Variants in ENOX1 observed in about 807,000 individuals in gnomAD.
The protein encoded by ENOX1 is candidate growth-related and time keeping constitutive hydroquinone (NADH) oxidase.
Under a neutral mutation model 82.5 loss-of-function variants are expected in ENOX1, and 42 were observed. That is an observed-to-expected ratio of 0.51 (90% confidence interval 0.40 to 0.66). ENOX1 has a LOEUF of 0.66. Ranked by LOEUF, ENOX1 falls within the 30% of genes least tolerant of loss-of-function variation. The pLI is 0.00. For synonymous variants in ENOX1, 271 were observed against 282.2 expected (o/e 0.96, Z 0.40); for missense variants, 608 against 811.6 (o/e 0.75, Z 3.05).
chr13:43,711,536 A>C (rs1370399204), intron 1 of ENOX1, among the ~76,000 whole-genome samples: 2 of 152,166 alleles, frequency 1.3e-5, no homozygotes, highest in Non-Finnish European at 2.9e-5. Context: ...TAGTCCCACC[A>C]ACAGTGTGAA....
At chr13:43,446,784 C>A (rs1277008732) in intron 3 of ENOX1, among the ~76,000 whole-genome samples, 1 of 152,206 alleles carries the variant, frequency 6.6e-6, no homozygotes, top group Non-Finnish European at 1.5e-5. Flanking sequence ...ACTCCCTCAT[C>A]CAACAATCCC....
intron 1 of ENOX1, among the ~76,000 whole-genome samples, chr13:43,768,437 GCAACAAAACA>G (rs1178976797): frequency 2.0e-4 from 30 of 152,162 alleles, no homozygotes; most frequent in African/African-American, 7.0e-4. Context: ...TCCTGTCTCT[GCAACAAAACA>G]CAACAAAACA....
intron 5 of ENOX1, among the ~76,000 whole-genome samples, chr13:43,388,571 C>T (rs2052575492): frequency 6.6e-6 from 1 of 152,212 alleles, no homozygotes; most frequent in Admixed American, 6.5e-5. Flanking sequence ...GATGTTAACA[C>T]CACCTGGGAT....
intron 15 of ENOX1, among the ~76,000 whole-genome samples, chr13:43,226,224 G>T (rs1415769507): frequency 6.6e-6 from 1 of 152,068 alleles, no homozygotes; most frequent in Non-Finnish European, 1.5e-5. Flanking sequence ...AAAAAAATTA[G>T]AATATAGTAG....
intron 12 of ENOX1, among the ~76,000 whole-genome samples, chr13:43,284,408 C>A (rs1014351681): frequency 1.3e-5 from 2 of 152,144 alleles, no homozygotes; most frequent in African/African-American, 2.4e-5. Context: ...AAATGTAAAT[C>A]ATGGGTGGAA....
In ENOX1 at chr13:43,265,278, T is replaced by C. The variant is rs527834385; in HGVS notation, c.1611+120A>G. The C allele has an allele frequency of 3.8e-6, 3 of 788,906 alleles. No individual in the cohort carries two copies. The African/African-American group carries it at 5.3e-5, about 14-fold the overall frequency. 48.9% of individuals were successfully genotyped at this position (788,906 alleles called of 1,614,324 possible). ...TTTTCTTGCCAAACCCATATATTAA[T>C]CTTAAGCTGCTGACAGGCAGAGCTT... On this transcript the variant is annotated intron_variant, in intron 14 of 16. Coordinates refer to ENST00000690772, the MANE Select transcript of ENOX1 (RefSeq NM_001347969.2).
chr13:43,549,440 C>G (rs948209125), intron 2 of ENOX1, among the ~76,000 whole-genome samples: 1 of 152,108 alleles, frequency 6.6e-6, no homozygotes, highest in African/African-American at 2.4e-5. Flanking sequence ...AGCACAAGTC[C>G]CTCTATTCAA....
At chr13:43,751,445 A>G (rs912546927) in intron 1 of ENOX1, among the ~76,000 whole-genome samples, 2 of 152,236 alleles carry the variant, frequency 1.3e-5, no homozygotes, top group African/African-American at 4.8e-5. Flanking sequence ...ACATATATCC[A>G]TACCTGTGAA....
intron 9 of ENOX1, among the ~76,000 whole-genome samples, chr13:43,334,300 T>C (rs1439217279): frequency 6.6e-6 from 1 of 152,240 alleles, no homozygotes; most frequent in East Asian, 1.9e-4. Flanking sequence ...TATTTAGCAG[T>C]GGTGAAGTTG....
At chr13:43,368,972 T>C (rs2051030873) in intron 5 of ENOX1, among the ~76,000 whole-genome samples, 1 of 151,934 alleles carries the variant, frequency 6.6e-6, no homozygotes, top group Non-Finnish European at 1.5e-5. Flanking sequence ...CTCTCCAGCA[T>C]GCCTTCCTTT....
At chr13:43,665,086 G>C (rs1420685119) in intron 2 of ENOX1, among the ~76,000 whole-genome samples, 1 of 152,210 alleles carries the variant, frequency 6.6e-6, no homozygotes, top group Non-Finnish European at 1.5e-5. Flanking sequence ...ACACTGGTCT[G>C]CCTGCTTACA....
At chr13:43,473,584 T>A (rs542242584) in intron 3 of ENOX1, among the ~76,000 whole-genome samples, 1 of 152,298 alleles carries the variant, frequency 6.6e-6, no homozygotes, top group South Asian at 2.1e-4. Context: ...AGTTCTCTTG[T>A]GTCTATTTAA....
At chr13:43,549,996 T>A (rs2079123615) in intron 2 of ENOX1, among the ~76,000 whole-genome samples, 1 of 152,182 alleles carries the variant, frequency 6.6e-6, no homozygotes, top group Admixed American at 6.5e-5. Flanking sequence ...GGTTTTGGGA[T>A]GAAACTGTTC....
At chr13:43,385,209 A>G (rs2052334164) in intron 5 of ENOX1, among the ~76,000 whole-genome samples, 1 of 152,188 alleles carries the variant, frequency 6.6e-6, no homozygotes, top group African/African-American at 2.4e-5. Context: ...TTATCTTATA[A>G]TATCAATAAA....
intron 1 of ENOX1, among the ~76,000 whole-genome samples, chr13:43,713,229 A>G (rs1227029624): frequency 1.3e-5 from 2 of 152,164 alleles, no homozygotes; most frequent in East Asian, 3.8e-4. Flanking sequence ...TGATTTGTGT[A>G]TATTGAACCA....
At chr13:43,436,916 G>A (rs9562486) in intron 3 of ENOX1, among the ~76,000 whole-genome samples, 16,645 of 152,018 alleles carry the variant, frequency 0.11, 953 homozygotes, top group East Asian at 0.24. Context: ...AAATCACTAT[G>A]GCTTACAATA....
At chr13:43,455,821 T>TTGCTTCTCATTCTGTCTTTGCC (rs762149160) in intron 3 of ENOX1, among the ~76,000 whole-genome samples, 135 of 152,312 alleles carry the variant, frequency 8.9e-4, no homozygotes, top group Non-Finnish European at 1.8e-3. Context: ...CCCCGTTTGC[T>TTGCTTCTCATTCTGTCTTTGCC]TGCTTCTCAT....
In ENOX1 at chr13:43,322,531, G is replaced by C. The variant is rs75534443; in HGVS notation, c.1144-30C>G. ...AAGTAGAGGATACACAAATGTCAGA[G>C]TCACAGACACATATGGCTTTCCCCA... is the stretch of plus-strand genomic sequence containing the variant. On this transcript the variant is annotated intron_variant, in intron 10 of 16. Transcript: ENST00000690772. The C allele has an allele frequency of 6.0e-4, 948 of 1,579,764 alleles. 3 individuals carry two copies. In the African/African-American group the frequency reaches 0.012, roughly 19 times the overall value.
intron 2 of ENOX1, among the ~76,000 whole-genome samples, chr13:43,543,195 T>C (rs1042744843): frequency 1.3e-5 from 2 of 152,184 alleles, no homozygotes; most frequent in East Asian, 1.9e-4. Context: ...CTGTTTGTTA[T>C]AGTGATGCTT....
Sources: allele counts gnomAD v4.1 joint callset (sites outside exome capture counted in the v4.1 genomes callset), GRCh38; gene constraint gnomAD v4.1.1; transcripts MANE v1.5; gene names NCBI Gene and HGNC (gene_info 2026-07-23, HGNC 2026-07-21).